The following PRICKLE2 variants were observed in gnomAD, a reference collection of about 807,000 sequenced individuals.
The protein encoded by PRICKLE2 is prickle-like protein 2.
In PRICKLE2, 21 loss-of-function variants were observed where a neutral mutation model predicts 81.4. That is an observed-to-expected ratio of 0.26 (90% confidence interval 0.18 to 0.37). The LOEUF is 0.37. PRICKLE2 is among the 10% of genes least tolerant of loss of function. The pLI, the probability that PRICKLE2 is intolerant of heterozygous loss-of-function variation, is 1.00. For synonymous variants in PRICKLE2, 456 were observed against 421.5 expected (o/e 1.08, Z -1.00); for missense variants, 940 against 1,109.0 (o/e 0.85, Z 2.16).
intron 4 of PRICKLE2, among the ~76,000 whole-genome samples, chr3:64,158,291 A>G (rs2077671824): frequency 6.6e-6 from 1 of 152,224 alleles, no homozygotes; most frequent in African/African-American, 2.4e-5. Flanking sequence ...GTTGAAATGT[A>G]TCTTAGAAAA....
At chr3:64,251,643 T>C (rs1237409163) in intron 2 of PRICKLE2, among the ~76,000 whole-genome samples, 1 of 152,188 alleles carries the variant, frequency 6.6e-6, no homozygotes, top group Non-Finnish European at 1.5e-5. Context: ...GGGAGAAGCA[T>C]GGACAGACAT....
intron 2 of PRICKLE2, among the ~76,000 whole-genome samples, chr3:64,189,590 C>G (rs1382268235): frequency 6.6e-6 from 1 of 152,158 alleles, no homozygotes; most frequent in Non-Finnish European, 1.5e-5. Flanking sequence ...AGTTTCTGAT[C>G]CTGTGAGCCT....
intron 7 of PRICKLE2, chr3:64,106,200 G>A (rs2076752876): frequency 6.6e-6 from 1 of 152,190 alleles, no homozygotes; most frequent in Admixed American, 6.5e-5. Context: ...CTCCCTTTCA[G>A]TAGGGTCTTT....
chr3:64,251,877 C>T (rs977208819), intron 2 of PRICKLE2, among the ~76,000 whole-genome samples: 9 of 152,310 alleles, frequency 5.9e-5, no homozygotes, highest in African/African-American at 2.2e-4. Context: ...ATTTACTAAG[C>T]TCCTACTACA....
intron 7 of PRICKLE2, among the ~76,000 whole-genome samples, chr3:64,111,563 G>A (rs1016528155): frequency 6.6e-6 from 1 of 152,188 alleles, no homozygotes; most frequent in Non-Finnish European, 1.5e-5. Flanking sequence ...CAGCTGCAAT[G>A]AAAACAGTCC....
chr3:64,132,396 CCTGCTAGGCTGCAGCTTGGCTGCAGCATT>C (rs2077209554), intron 7 of PRICKLE2, among the ~76,000 whole-genome samples: 1 of 152,192 alleles, frequency 6.6e-6, no homozygotes, highest in Admixed American at 6.5e-5. Context: ...CTGGCTCCCT[CCTGCTAGGCTGCAGCTTGGCTGCAGCATT>C]CTACCTAAGG....
intron 2 of PRICKLE2, among the ~76,000 whole-genome samples, chr3:64,258,923 G>T (rs776886820): frequency 6.6e-6 from 1 of 151,154 alleles, no homozygotes; most frequent in Non-Finnish European, 1.5e-5. Flanking sequence ...AATTAAGTAG[G>T]GGTGCAAAAA....
At chr3:64,143,630 C>T (rs999527374) in intron 7 of PRICKLE2, among the ~76,000 whole-genome samples, 2 of 152,176 alleles carry the variant, frequency 1.3e-5, no homozygotes, top group African/African-American at 2.4e-5. Context: ...CAATGGTGCA[C>T]ATCAGCCTCA....
intron 2 of PRICKLE2, among the ~76,000 whole-genome samples, chr3:64,183,967 G>A (rs1053956666): frequency 2.0e-5 from 3 of 152,104 alleles, no homozygotes; most frequent in Non-Finnish European, 4.4e-5. Flanking sequence ...ATGCGACAAT[G>A]AGCAAGTCAT....
chr3:64,167,528 G>A (rs2077855109), intron 2 of PRICKLE2, among the ~76,000 whole-genome samples: 1 of 152,350 alleles, frequency 6.6e-6, no homozygotes, highest in African/African-American at 2.4e-5. Flanking sequence ...CAACTTCAGT[G>A]TGTGTCAGAC....
At chr3:64,160,147 C>T in intron 3 of PRICKLE2, 70 bp from the exon 4 acceptor site, 2 of 1,543,638 alleles carry the variant, frequency 1.3e-6, no homozygotes, top group Non-Finnish European at 1.8e-6. Context: ...GCCCATGACT[C>T]TGAGTTTTCT....
intron 7 of PRICKLE2, among the ~76,000 whole-genome samples, chr3:64,120,070 A>G (rs543570319): frequency 1.3e-5 from 2 of 152,232 alleles, no homozygotes; most frequent in Admixed American, 6.5e-5. Flanking sequence ...GGAAGGAGGG[A>G]AGGAAGCAAG....
chr3:64,099,873 G>A lies in PRICKLE2; in HGVS notation c.1713C>T (p.Ser571=). The A allele has an allele frequency of 1.2e-6, 2 of 1,614,212 alleles. No individual in the cohort carries two copies. The highest frequency in any genetic ancestry group is 1.6e-4 in the Middle Eastern group (1 of 6,062). Residue 571 remains serine, a synonymous_variant, in exon 8 of 8, where the codon TCC becomes TCT. Transcript: ENST00000638394. This position sits in a 1 kb window ranked among gnomAD's most constrained non-coding sequence, Gnocchi z 4.3. The part of the protein sequence containing the change: ...AKRQEHLSRF[S]MPDLSKDSGM... Reference sequence around the variant, plus strand: ...CAGAGTCTTTGCTGAGGTCAGGCATGGAAAATCGGGATAGGTGCTCCTGGC... The same window carrying A: ...CAGAGTCTTTGCTGAGGTCAGGCATAGAAAATCGGGATAGGTGCTCCTGGC...
At chr3:64,117,459 C>T (rs1096171) in intron 7 of PRICKLE2, among the ~76,000 whole-genome samples, 109,213 of 152,052 alleles carry the variant, frequency 0.72, 40,719 homozygotes, top group South Asian at 0.85. Context: ...ATCCCACAGT[C>T]CCAGCCCACA....
chr3:64,260,320 T>C (rs1296607716), intron 2 of PRICKLE2, among the ~76,000 whole-genome samples: 2 of 152,150 alleles, frequency 1.3e-5, no homozygotes, highest in African/African-American at 4.8e-5. Flanking sequence ...TCATGATTAT[T>C]CTTCTAAAGC....
At chr3:64,240,140 T>C (rs1410672123) in intron 2 of PRICKLE2, among the ~76,000 whole-genome samples, 2 of 151,984 alleles carry the variant, frequency 1.3e-5, no homozygotes, top group South Asian at 4.2e-4. Flanking sequence ...AAAATTTTCA[T>C]TTAGCCTGCT....
upstream of PRICKLE2, among the ~76,000 whole-genome samples, chr3:64,228,535 T>TG (rs1342092870): frequency 1.6e-5 from 2 of 124,868 alleles, no homozygotes; most frequent in Non-Finnish European, 3.4e-5. Context: ...TCTAATGAGG[T>TG]GTTTTTTTTT....
intron 2 of PRICKLE2, among the ~76,000 whole-genome samples, chr3:64,187,920 G>A (rs2078265139): frequency 6.6e-6 from 1 of 152,226 alleles, no homozygotes; most frequent in African/African-American, 2.4e-5. Flanking sequence ...CATGCTCTAG[G>A]TTAACAGGCC....
At chr3:64,161,773 C>A (rs1396219239) in intron 3 of PRICKLE2, among the ~76,000 whole-genome samples, 4 of 150,448 alleles carry the variant, frequency 2.7e-5, no homozygotes, top group African/African-American at 9.8e-5. Flanking sequence ...CTGCAGTGAC[C>A]TGAACAGCCC....
Sources: allele counts gnomAD v4.1 joint callset (sites outside exome capture counted in the v4.1 genomes callset), GRCh38; gene constraint gnomAD v4.1.1; non-coding constraint Gnocchi (gnomAD v3.1); transcripts MANE v1.5; gene names NCBI Gene and HGNC (gene_info 2026-07-23, HGNC 2026-07-21).